ITSN2: variants seen among roughly 807,000 people sequenced by gnomAD.
ITSN2 encodes the protein intersectin-2.
In ITSN2, 156 loss-of-function variants were observed where a neutral mutation model predicts 243.7. The ratio of observed to expected loss-of-function variants is 0.64; its 90% CI spans 0.56 to 0.73. The LOEUF is 0.73. Ranked by LOEUF, ITSN2 falls within the 30% of genes least tolerant of loss-of-function variation. The probability of loss-of-function intolerance (pLI) is 0.00; values close to 1 mark genes in which losing one functional copy is unlikely to be tolerated. For synonymous variants in ITSN2, 703 were observed against 699.9 expected (o/e 1.00, Z -0.07); for missense variants, 1,801 against 1,996.1 (o/e 0.90, Z 1.86).
Position 24,295,807 on chromosome 2 carries a change from A to AT in ITSN2, c.1495-4dup. 6.6e-7 allele frequency: 1 copy of AT among 1,520,248 alleles called. No homozygotes were observed. The highest frequency in any genetic ancestry group is 8.8e-7 in the Non-Finnish European group (1 of 1,142,496). 94.2% of individuals were successfully genotyped at this position (1,520,248 alleles called of 1,614,324 possible). A position where few individuals can be genotyped will look rare whatever the true frequency, so the allele number is the denominator to read the frequency against. ...GAGATCTGCTGATGTTTGCCATTCT[A>AT]TAGGAAGATCATATAAATATATAGT... is the stretch of plus-strand genomic sequence containing the variant. On this transcript the variant is annotated splice_region_variant and splice_polypyrimidine_tract_variant and intron_variant, in intron 13 of 39. Coordinates refer to ENST00000355123, the MANE Select transcript of ITSN2 (RefSeq NM_006277.3).
At chr2:24,344,426 T>C (rs1007218275) in intron 1 of ITSN2, among the ~76,000 whole-genome samples, 2 of 152,240 alleles carry the variant, frequency 1.3e-5, no homozygotes, top group African/African-American at 4.8e-5. Context: ...CTTGCCAATA[T>C]TTGGTATGAA....
In ITSN2 at chr2:24,251,413, GTA is replaced by G. The variant is rs1245005777; in HGVS notation, c.3120+930_3120+931del. On this transcript the variant is annotated intron_variant, in intron 25 of 39. Coordinates refer to ENST00000355123, the MANE Select transcript of ITSN2 (RefSeq NM_006277.3). Reference sequence around the variant, plus strand: ...TATATATGTGTATATATATATGTGTGTATATATATGTGTATATATATGTGTGT... The same window carrying G: ...TATATATGTGTATATATATATGTGTGTATATATGTGTATATATATGTGTGT... 5.5e-4 allele frequency among the ~76,000 whole-genome samples: 2 copies of G among 3,624 alleles called. 1 individual carries two copies. Among genetic ancestry groups the G allele is most frequent in the Non-Finnish European group, 1.1e-3 (2 of 1,896 alleles). 2.4% of individuals were successfully genotyped at this position (3,624 alleles called of 152,430 possible).
In ITSN2 at chr2:24,211,055, C is replaced by G; in HGVS notation, c.4090-108G>C. The G allele has an allele frequency of 9.5e-7, 1 of 1,051,226 alleles. No homozygotes were observed. Among genetic ancestry groups the G allele is most frequent in the Non-Finnish European group, 1.4e-6 (1 of 714,970 alleles). 65.1% of individuals were successfully genotyped at this position (1,051,226 alleles called of 1,614,324 possible). On this transcript the variant is annotated intron_variant, in intron 33 of 39. Coordinates refer to ENST00000355123, the MANE Select transcript of ITSN2 (RefSeq NM_006277.3). The surrounding 1 kb of genome is among the most constrained non-coding windows in gnomAD (Gnocchi z 4.1). Reference sequence around the variant, plus strand: ...CCCCATGTTATGGACTGCTTCCATGCCCTGGAAACGCGGCGGTGAACAAGA... The same window carrying G: ...CCCCATGTTATGGACTGCTTCCATGGCCTGGAAACGCGGCGGTGAACAAGA...
At chr2:24,263,060 C>G (rs1256652177) in intron 20 of ITSN2, among the ~76,000 whole-genome samples, 2 of 152,134 alleles carry the variant, frequency 1.3e-5, no homozygotes, top group Non-Finnish European at 2.9e-5. Flanking sequence ...TAACTTCCCC[C>G]AACCCAAGCC....
chr2:24,209,824 A>G lies in ITSN2; in HGVS notation c.4467T>C (p.Tyr1489=). ...SSKSNAQFKM[Y]KTPIFLNEVL... ...CCAGACGCGTGATACTCACCGTTTT[A>G]TACATTTTGAATTGAGCATTGGACT... is the stretch of plus-strand genomic sequence containing the variant. The change falls in exon 35 of 40, where the codon TAT becomes TAC. Residue 1489 remains tyrosine, a synonymous_variant. Coordinates refer to ENST00000355123, the MANE Select transcript of ITSN2 (RefSeq NM_006277.3). 1.2e-6 allele frequency: 2 copies of G among 1,613,566 alleles called. No homozygotes were observed. The highest frequency in any genetic ancestry group is 1.7e-6 in the Non-Finnish European group (2 of 1,179,450).
chr2:24,325,966 C>A (rs1473506309), intron 2 of ITSN2, among the ~76,000 whole-genome samples: 1 of 152,044 alleles, frequency 6.6e-6, no homozygotes, highest in Non-Finnish European at 1.5e-5. Context: ...CACATTCACA[C>A]ACAGGCATAC....
At chr2:24,277,992 T>C (rs940690170) in intron 17 of ITSN2, among the ~76,000 whole-genome samples, 3 of 152,174 alleles carry the variant, frequency 2.0e-5, no homozygotes, top group Non-Finnish European at 4.4e-5. Flanking sequence ...ACAGAGTTGT[T>C]GTGAGGATAA....
rs776111206 is a variant in ITSN2 at position 24,310,288 on chromosome 2, T to C, written c.649A>G (p.Ser217Gly). ...KAQSLIDLGSSSSTSSTASLS... is the reference protein window; with the variant it reads ...KAQSLIDLGSGSSTSSTASLS... The stretch of plus-strand genomic sequence containing the variant: ...GTCAGAGTTAGCTATTCATACCTAC[T>C]AGATCCTAAATCAATCAGAGACTGC... The change falls in exon 7 of 40, where the codon AGT becomes GGT. Residue 217 changes from serine to glycine, a missense_variant. Physicochemically the swap from Ser to Gly is moderately conservative, Grantham distance 56. Transcript: ENST00000355123. The C allele has an allele frequency of 3.7e-6, 6 of 1,605,928 alleles. No individual in the cohort carries two copies.
intron 1 of ITSN2, among the ~76,000 whole-genome samples, chr2:24,347,183 A>T (rs1460172575): frequency 1.3e-5 from 2 of 152,154 alleles, no homozygotes; most frequent in African/African-American, 4.8e-5. Flanking sequence ...TTAAGAAAAT[A>T]TCTAAAGAAC....
intron 9 of ITSN2, among the ~76,000 whole-genome samples, chr2:24,302,607 T>A (rs554817672): frequency 6.6e-6 from 1 of 152,344 alleles, no homozygotes; most frequent in South Asian, 2.1e-4. Flanking sequence ...AATGTAAGTA[T>A]GTAAGTATGT....
At chr2:24,346,417 T>C (rs1687536153) in intron 1 of ITSN2, among the ~76,000 whole-genome samples, 1 of 152,138 alleles carries the variant, frequency 6.6e-6, no homozygotes, top group Non-Finnish European at 1.5e-5. Flanking sequence ...CTCTCAAAAC[T>C]GTCAAAGTCA....
intron 20 of ITSN2, among the ~76,000 whole-genome samples, chr2:24,268,473 A>T (rs1307793809): frequency 6.6e-6 from 1 of 152,014 alleles, no homozygotes; most frequent in Non-Finnish European, 1.5e-5. Context: ...CCTCATCTCC[A>T]TCTATTAGTC....
intron 22 of ITSN2, 49 bp downstream of exon 22, chr2:24,261,057 C>T: frequency 6.5e-7 from 1 of 1,537,854 alleles, no homozygotes; most frequent in Non-Finnish European, 8.9e-7. Flanking sequence ...CTATTTTAAT[C>T]AGGAGCAAAT....
At chr2:24,342,558 A>G (rs1160636854) in intron 1 of ITSN2, among the ~76,000 whole-genome samples, 1 of 147,898 alleles carries the variant, frequency 6.8e-6, no homozygotes, top group African/African-American at 2.5e-5. Flanking sequence ...TCAAGTGTCT[A>G]AGCACAAATT....
intron 32 of ITSN2, 65 bp from the exon 33 acceptor site, chr2:24,212,813 G>T: frequency 1.6e-6 from 2 of 1,242,770 alleles, no homozygotes; most frequent in South Asian, 1.2e-5. Context: ...ACTGGTCTTT[G>T]ATCGCCTTTT....
chr2:24,221,299 G>A, intron 29 of ITSN2: 1 of 482,488 alleles, frequency 2.1e-6, no homozygotes, highest in Non-Finnish European at 3.6e-6. Flanking sequence ...ACATTTCAAT[G>A]TGCTCCTAAT....
chr2:24,345,200 T>C (rs1471754502), intron 1 of ITSN2, among the ~76,000 whole-genome samples: 1 of 152,176 alleles, frequency 6.6e-6, no homozygotes, highest in Admixed American at 6.5e-5. Flanking sequence ...TATGGGATAG[T>C]GTGGTTCTAT....
intron 21 of ITSN2, 38 bp from the exon 22 acceptor site, chr2:24,261,288 G>C (rs766985107): frequency 3.4e-6 from 5 of 1,462,868 alleles, no homozygotes; most frequent in Non-Finnish European, 4.7e-6. Flanking sequence ...ATATTTATTT[G>C]TTTAGAACTT....
chr2:24,293,624 C>A, intron 15 of ITSN2, 64 bp downstream of exon 15: 2 of 633,528 alleles, frequency 3.2e-6, no homozygotes, highest in South Asian at 2.1e-5. Flanking sequence ...AAAAAAGTAA[C>A]AATGTGACTG....
Sources: gnomAD v4.1 joint callset for allele counts (sites outside exome capture counted in the v4.1 genomes callset) on GRCh38, gnomAD v4.1.1 for gene constraint, Gnocchi (gnomAD v3.1) non-coding constraint, MANE v1.5 for transcripts, NCBI Gene and HGNC (gene_info 2026-07-23, HGNC 2026-07-21) for gene names.